Variants in SORCS1 observed in about 807,000 individuals in gnomAD.
SORCS1 encodes the protein VPS10 domain-containing receptor SorCS1.
SORCS1 carries 60 observed loss-of-function variants against 146.1 expected under a neutral mutation model. The ratio of observed to expected loss-of-function variants is 0.41; its 90% CI spans 0.33 to 0.51. SORCS1 has a LOEUF of 0.51. SORCS1 is among the 20% of genes least tolerant of loss of function. The pLI is 0.21. For synonymous variants in SORCS1, 637 were observed against 584.0 expected (o/e 1.09, Z -1.31); for missense variants, 1,352 against 1,487.6 (o/e 0.91, Z 1.50).
intron 3 of SORCS1, among the ~76,000 whole-genome samples, chr10:106,787,553 A>G (rs919248671): frequency 9.9e-5 from 15 of 152,188 alleles, no homozygotes; most frequent in Non-Finnish European, 2.1e-4. Flanking sequence ...CATCTGCTCC[A>G]AGTTATTACC....
intron 23 of SORCS1, among the ~76,000 whole-genome samples, chr10:106,601,542 C>T (rs1846240165): frequency 6.6e-6 from 1 of 152,152 alleles, no homozygotes; most frequent in African/African-American, 2.4e-5. Context: ...TTGGGAGGGA[C>T]CTGTGACAGG....
intron 1 of SORCS1, among the ~76,000 whole-genome samples, chr10:107,006,129 T>A (rs897156753): frequency 6.6e-6 from 1 of 152,218 alleles, no homozygotes; most frequent in African/African-American, 2.4e-5. Flanking sequence ...GAACTCTCAT[T>A]TATGTACTCA....
chr10:106,799,891 C>T (rs1946777270), intron 3 of SORCS1, among the ~76,000 whole-genome samples: 1 of 152,198 alleles, frequency 6.6e-6, no homozygotes, highest in South Asian at 2.1e-4. Flanking sequence ...TGAAAATAGA[C>T]TAACACAGGT....
chr10:106,753,697 A>T (rs1249175092), intron 5 of SORCS1, among the ~76,000 whole-genome samples: 2 of 150,530 alleles, frequency 1.3e-5, no homozygotes. Flanking sequence ...AAAAAAAAAA[A>T]GTCACTTCAA....
At chr10:106,982,897 C>T (rs1014524771) in intron 1 of SORCS1, among the ~76,000 whole-genome samples, 4 of 151,990 alleles carry the variant, frequency 2.6e-5, no homozygotes, top group South Asian at 2.1e-4. Context: ...GTCCTGAAGG[C>T]AGCCTATTGA....
At chr10:106,764,933 G>A (rs557335526) in intron 4 of SORCS1, among the ~76,000 whole-genome samples, 3 of 151,184 alleles carry the variant, frequency 2.0e-5, no homozygotes, top group South Asian at 2.1e-4. Context: ...TGAGGCAGGA[G>A]GATGGTGTGA....
At chr10:106,953,728 G>A (rs1001029620) in intron 2 of SORCS1, among the ~76,000 whole-genome samples, 1 of 152,284 alleles carries the variant, frequency 6.6e-6, no homozygotes, top group African/African-American at 2.4e-5. Context: ...GTTGAACACT[G>A]TGGGCAATTG....
chr10:106,620,820 A>G (rs1187565515), intron 19 of SORCS1, among the ~76,000 whole-genome samples: 1 of 150,808 alleles, frequency 6.6e-6, no homozygotes, highest in Non-Finnish European at 1.5e-5. Context: ...TTAAAAAAAA[A>G]TTACAGGTAA....
chr10:107,032,420 T>C (rs4418732), intron 1 of SORCS1, among the ~76,000 whole-genome samples: 54,350 of 152,040 alleles, frequency 0.36, 9,756 homozygotes, highest in Admixed American at 0.41. Context: ...TGCATTTTTT[T>C]CCTTTCTTTC....
At chr10:107,161,933 C>A (rs1002540142) in intron 1 of SORCS1, among the ~76,000 whole-genome samples, 7 of 152,102 alleles carry the variant, frequency 4.6e-5, no homozygotes, top group Non-Finnish European at 1.0e-4. Flanking sequence ...CTTCAGGGGG[C>A]AGAAATCTCA....
intron 2 of SORCS1, among the ~76,000 whole-genome samples, chr10:106,941,630 G>A (rs942281214): frequency 6.6e-6 from 1 of 152,200 alleles, no homozygotes; most frequent in South Asian, 2.1e-4. Context: ...AAGGAATGTG[G>A]CTCCCAGTAG....
chr10:107,138,755 A>G (rs1458885601), intron 1 of SORCS1, among the ~76,000 whole-genome samples: 1 of 152,138 alleles, frequency 6.6e-6, no homozygotes, highest in Admixed American at 6.5e-5. Flanking sequence ...GCCAAATAAC[A>G]TATTTTGAGG....
At chr10:106,792,579 A>G (rs1172537443) in intron 3 of SORCS1, among the ~76,000 whole-genome samples, 4 of 152,258 alleles carry the variant, frequency 2.6e-5, no homozygotes, top group Non-Finnish European at 5.9e-5. Context: ...TGGCATTTCC[A>G]TGGCTCACAC....
In SORCS1 at chr10:107,017,553, A is replaced by T. The variant is rs188435457; in HGVS notation, c.559-60973T>A. 3.2e-4 allele frequency among the ~76,000 whole-genome samples: 49 copies of T among 152,334 alleles called. No individual in the cohort carries two copies. In the East Asian group the frequency reaches 5.6e-3, roughly 17 times the overall value. ...CACTACTCCAAAATATAGTACCATG[A>T]CATTTGAGGAAACAACAAAAGCAGG... On this transcript the variant is annotated intron_variant, in intron 1 of 25. Transcript: ENST00000263054.
At chr10:106,677,251 A>G in intron 13 of SORCS1, 62 bp downstream of exon 13, 1 of 1,437,830 alleles carries the variant, frequency 7.0e-7, no homozygotes, top group Non-Finnish European at 9.8e-7. Flanking sequence ...CCTGACTCCT[A>G]GACTGATCTT....
Position 107,074,345 on chromosome 10 carries a change from T to C in SORCS1, c.558+89624A>G, listed in dbSNP as rs567238123. Among the ~76,000 whole-genome samples, 9 of 152,300 alleles carry C rather than the reference T, an allele frequency of 5.9e-5. No homozygotes were observed. The East Asian group carries it at 1.7e-3, about 29-fold the overall frequency. On this transcript the variant is annotated intron_variant, in intron 1 of 25. Coordinates refer to ENST00000263054, the MANE Select transcript of SORCS1 (RefSeq NM_052918.5). ...TTCATTTAGTAATATGTGTTTAAGT[T>C]TACTCCATGTCTCTTCATGACTTGA...
intron 2 of SORCS1, among the ~76,000 whole-genome samples, chr10:106,872,477 G>A (rs1201890982): frequency 6.6e-6 from 1 of 152,208 alleles, no homozygotes; most frequent in Non-Finnish European, 1.5e-5. Flanking sequence ...GTCAGTGGAG[G>A]GTTCTGAGAA....
At chr10:106,615,674 G>A (rs1402908100) in intron 21 of SORCS1, among the ~76,000 whole-genome samples, 1 of 152,156 alleles carries the variant, frequency 6.6e-6, no homozygotes, top group African/African-American at 2.4e-5. Context: ...TGAATCTCTG[G>A]ATAACTCAAC....
At chr10:106,579,303 C>A (rs758956281) in intron 25 of SORCS1, 66 bp downstream of exon 25, 5 of 1,614,028 alleles carry the variant, frequency 3.1e-6, no homozygotes. Flanking sequence ...GTAACACATG[C>A]TTCTGAACCT....
Sources: gnomAD v4.1 joint callset for allele counts (sites outside exome capture counted in the v4.1 genomes callset) on GRCh38, gnomAD v4.1.1 for gene constraint, MANE v1.5 for transcripts, NCBI Gene and HGNC (gene_info 2026-07-23, HGNC 2026-07-21) for gene names.